QSOX1: variants seen among roughly 807,000 people sequenced by gnomAD.
QSOX1 encodes the protein quiescin sulfhydryl oxidase 1.
Under a neutral mutation model 76.1 loss-of-function variants are expected in QSOX1, and 40 were observed. That is an observed-to-expected ratio of 0.53 (90% CI 0.41 to 0.68). The LOEUF (loss-of-function observed/expected upper bound fraction) is 0.68, where lower values mean the gene tolerates loss of function less well. Among genes scored for constraint, QSOX1 ranks in the 30% least tolerant of loss-of-function variants. The pLI, the probability that QSOX1 is intolerant of heterozygous loss-of-function variation, is 0.00. For synonymous variants in QSOX1, 392 were observed against 413.1 expected (o/e 0.95, Z 0.62); for missense variants, 931 against 974.3 (o/e 0.96, Z 0.59).
chr1:180,174,403 C>T (rs971592028), intron 2 of QSOX1, among the ~76,000 whole-genome samples: 2 of 152,226 alleles, frequency 1.3e-5, no homozygotes, highest in Admixed American at 1.3e-4. Flanking sequence ...TAGTCTGTAG[C>T]AAGGCATGTT....
chr1:180,193,793 C>G (rs143300767), intron 10 of QSOX1, among the ~76,000 whole-genome samples: 1,611 of 152,128 alleles, frequency 0.011, 17 homozygotes, highest in African/African-American at 0.034. Context: ...AGGGAGGTGA[C>G]GCATGGTGGA....
intron 1 of QSOX1, among the ~76,000 whole-genome samples, chr1:180,158,410 C>T (rs1051727256): frequency 2.6e-5 from 4 of 152,220 alleles, no homozygotes; most frequent in African/African-American, 7.2e-5. Flanking sequence ...GCCCACTGCA[C>T]GTTCATGGTG....
rs981366686 is a variant in QSOX1, at chr1:180,186,158, A to C, written c.993A>C (p.Lys331Asn). 3 of 1,613,706 alleles carry C rather than the reference A, an allele frequency of 1.9e-6. No individual in the cohort carries two copies. In the African/African-American group the frequency reaches 4.0e-5, roughly 22 times the overall value. Residue 331 changes from lysine to asparagine, a missense_variant, in exon 8 of 12, where the codon AAA (lysine) becomes AAC (asparagine). Coordinates refer to ENST00000367602, the MANE Select transcript of QSOX1 (RefSeq NM_002826.5). ...AAGGGCAGCGCCTGGTGGCCCTGAA[A>C]AAGTTTGTGGCAGTGCTGGCCAAGG... ...VLEGQRLVAL[K>N]KFVAVLAKYF...
intron 2 of QSOX1, among the ~76,000 whole-genome samples, chr1:180,168,869 T>G (rs1662698766): frequency 6.6e-6 from 1 of 152,214 alleles, no homozygotes. Context: ...TTGCCCTGCC[T>G]GCTGCCCTCT....
At chr1:180,184,285 G>A (rs1410722173) in intron 7 of QSOX1, among the ~76,000 whole-genome samples, 1 of 152,182 alleles carries the variant, frequency 6.6e-6, no homozygotes, top group Non-Finnish European at 1.5e-5. Context: ...GGGGCTGACT[G>A]GGGAATGAAC....
At chr1:180,159,840 G>A (rs1184241449) in intron 1 of QSOX1, among the ~76,000 whole-genome samples, 3 of 152,132 alleles carry the variant, frequency 2.0e-5, no homozygotes, top group Admixed American at 6.5e-5. Flanking sequence ...CCAACCAATG[G>A]CCTCCTAGAA....
At chr1:180,156,165 A>T (rs896590864) in intron 1 of QSOX1, among the ~76,000 whole-genome samples, 9 of 152,250 alleles carry the variant, frequency 5.9e-5, no homozygotes, top group Admixed American at 2.0e-4. Context: ...CTTACTAAGT[A>T]CTCGGCATAC....
Position 180,175,373 on chromosome 1 carries a change from G to A in QSOX1, c.412+7G>A, listed in dbSNP as rs200964307. 3.1e-6 allele frequency: 5 copies of A among 1,613,298 alleles called. No homozygotes were observed. The highest frequency in any genetic ancestry group is 1.3e-5 in the African/African-American group (1 of 74,882). ...TCGGGAGCAGTATTTCCAGGTGGGT[G>A]CCCAGCTCTGGTTGTCCTGTTAGCA... On this transcript the variant is annotated splice_region_variant and intron_variant, in intron 3 of 11. Coordinates refer to ENST00000367602, the MANE Select transcript of QSOX1 (RefSeq NM_002826.5).
Position 180,198,066 on chromosome 1 carries a change from AG to A in QSOX1, c.*1030del, listed in dbSNP as rs1204815416. On this transcript the variant is annotated 3_prime_UTR_variant, in exon 12 of 12. Coordinates refer to ENST00000367602, the MANE Select transcript of QSOX1 (RefSeq NM_002826.5). ...GTGTGTTCTTTAACTTGCTACTTGGAGACCTAGTGTCCAGTCTGGACAGAAT... is the reference window on the plus strand; with the variant it reads ...GTGTGTTCTTTAACTTGCTACTTGGAACCTAGTGTCCAGTCTGGACAGAAT... The A allele has an allele frequency of 2.5e-6, 1 of 402,996 alleles. No individual in the cohort carries two copies. The highest frequency in any genetic ancestry group is 7.4e-5 in the East Asian group (1 of 13,520). The allele number at this position is 402,996 out of a possible 1,614,324, so 25.0% of individuals were successfully genotyped here. A position where few individuals can be genotyped will look rare whatever the true frequency, so the allele number is the denominator to read the frequency against.
rs368077994 is a variant in QSOX1, at chr1:180,178,868, C to T, written c.590C>T (p.Ser197Phe). The change falls in exon 5 of 12, where the codon TCC becomes TTC. Residue 197 changes from serine (S) to phenylalanine (F), a missense_variant. Transcript: ENST00000367602. ...YLALIFEKGG[S>F]YLGREVALDL... is the part of the protein sequence containing the mutation. The stretch of plus-strand genomic sequence containing the variant: ...GCTCTGATCTTTGAAAAGGGAGGCT[C>T]CTACCTGGGTAGAGAGGTGAGCTGC... 1.9e-5 allele frequency: 30 copies of T among 1,613,684 alleles called. No homozygotes were observed. Among genetic ancestry groups the T allele is most frequent in the Admixed American group, 8.3e-5 (5 of 60,002 alleles).
chr1:180,197,104 T>TTCCCCC lies in QSOX1; in HGVS notation c.*67_*68insTCCCCC. ...GGCACCTCAAGCCCCCTGACCCCAT[T>TTCCCCC]CCCTCCCCTCCCACCCCTTGCTCCT... On this transcript the variant is annotated 3_prime_UTR_variant, in exon 12 of 12. Transcript: ENST00000367602. The TTCCCCC allele has an allele frequency of 2.7e-6, 4 of 1,484,710 alleles. No individual in the cohort carries two copies. Among genetic ancestry groups the TTCCCCC allele is most frequent in the Non-Finnish European group, 2.7e-6 (3 of 1,108,676 alleles). The allele number at this position is 1,484,710 out of a possible 1,614,324, so 92.0% of individuals were successfully genotyped here.
At chr1:180,169,403 TGAG>T (rs1489946615) in intron 2 of QSOX1, among the ~76,000 whole-genome samples, 1 of 152,222 alleles carries the variant, frequency 6.6e-6, no homozygotes, top group Non-Finnish European at 1.5e-5. Flanking sequence ...TTCGAGGCTC[TGAG>T]GAGATCAGTG....
rs76138232 is a variant in QSOX1 at position 180,195,632 on chromosome 1, C to T, written c.1469-630C>T. ...CCTGGGGTACCAACAGCCTGCAGCC[C>T]CAGCAGCATCCTGACTCTTCCAAGT... On this transcript the variant is annotated intron_variant, in intron 11 of 11. Coordinates refer to ENST00000367602, the MANE Select transcript of QSOX1 (RefSeq NM_002826.5). Among the ~76,000 whole-genome samples the T allele has an allele frequency of 5.5e-3, 832 of 152,192 alleles. 11 individuals are homozygous for T. Among genetic ancestry groups the T allele is most frequent in the Middle Eastern group, 0.021 (6 of 292 alleles).
rs114071966 is a variant in QSOX1 at position 180,160,917 on chromosome 1, G to C, written c.266-5574G>C. Among the ~76,000 whole-genome samples, 825 of 152,274 alleles carry C rather than the reference G, an allele frequency of 5.4e-3. 6 individuals carry two copies. The highest frequency in any genetic ancestry group is 0.019 in the African/African-American group (779 of 41,546). ...GGAGAATTGTAGCTAGTTATTGGAAGAAACTGGAAGAATTCAGAATTCAAT... is the reference window on the plus strand; with the variant it reads ...GGAGAATTGTAGCTAGTTATTGGAACAAACTGGAAGAATTCAGAATTCAAT... On this transcript the variant is annotated intron_variant, in intron 1 of 11. Coordinates refer to ENST00000367602, the MANE Select transcript of QSOX1 (RefSeq NM_002826.5).
In QSOX1 at chr1:180,197,422, G is replaced by C. The variant is rs1428234030; in HGVS notation, c.*385G>C. ...AACTGGGGCAAGTGAAGCCAGAGGA[G>C]GGTCCCCCAGCTGGGTGGGCTGGAA... On this transcript the variant is annotated 3_prime_UTR_variant, in exon 12 of 12. Coordinates refer to ENST00000367602, the MANE Select transcript of QSOX1 (RefSeq NM_002826.5). 7.5e-6 allele frequency: 12 copies of C among 1,599,836 alleles called. No individual in the cohort carries two copies. The highest frequency in any genetic ancestry group is 3.3e-4 in the Middle Eastern group (2 of 6,030).
chr1:180,179,206 C>T (rs1259611500), intron 5 of QSOX1, among the ~76,000 whole-genome samples: 1 of 152,246 alleles, frequency 6.6e-6, no homozygotes, highest in Non-Finnish European at 1.5e-5. Context: ...CCCAAGATCA[C>T]ACAGCTAGTA....
rs147610553 is a variant in QSOX1, at chr1:180,170,058, G to A, written c.366+3467G>A. Among the ~76,000 whole-genome samples the A allele has an allele frequency of 8.7e-3, 1,331 of 152,302 alleles. 19 individuals carry two copies. The highest frequency in any genetic ancestry group is 0.029 in the African/African-American group (1,197 of 41,552). On this transcript the variant is annotated intron_variant, in intron 2 of 11. Coordinates refer to ENST00000367602, the MANE Select transcript of QSOX1 (RefSeq NM_002826.5). ...GCGAGGTGGCGTGTTGAGGAGACTC[G>A]TCCAGCTGGGCAGAGGCTCATGTTG...
intron 4 of QSOX1, 41 bp downstream of exon 4, chr1:180,176,074 G>A (rs1431517359): frequency 6.7e-7 from 1 of 1,495,522 alleles, no homozygotes; most frequent in African/African-American, 1.4e-5. Flanking sequence ...TGTGGGCCAG[G>A]ATCCCAGGCC....
At chr1:180,185,198 CT>C (rs1443464797) in intron 7 of QSOX1, among the ~76,000 whole-genome samples, 1 of 152,174 alleles carries the variant, frequency 6.6e-6, no homozygotes, top group Non-Finnish European at 1.5e-5. Flanking sequence ...CTTATTGGCT[CT>C]TTCCAACCTC....
Sources: allele counts gnomAD v4.1 joint callset (sites outside exome capture counted in the v4.1 genomes callset), GRCh38; gene constraint gnomAD v4.1.1; transcripts MANE v1.5; gene names NCBI Gene and HGNC (gene_info 2026-07-23, HGNC 2026-07-21).